The following STXBP2 variants were observed in gnomAD, a reference collection of about 807,000 sequenced individuals.
STXBP2 encodes the protein syntaxin-binding protein 2.
In STXBP2, 47 loss-of-function variants were observed where a neutral mutation model predicts 72.2. The ratio of observed to expected loss-of-function variants is 0.65; its 90% confidence interval spans 0.51 to 0.83. STXBP2 has a LOEUF of 0.83. Among genes scored for constraint, STXBP2 ranks in the 40% least tolerant of loss-of-function variants. The pLI is 0.00. For synonymous variants in STXBP2, 367 were observed against 338.7 expected (o/e 1.08, Z -0.92); for missense variants, 702 against 807.6 (o/e 0.87, Z 1.58).
In STXBP2 at chr19:7,639,939, CAT is replaced by C. The variant is rs756628397; in HGVS notation, c.246+133_246+134del. On this transcript the variant is annotated intron_variant, in intron 4 of 18. Coordinates refer to ENST00000221283, the MANE Select transcript of STXBP2 (RefSeq NM_006949.4). ...GCATGTGTCCATGTGTATGTGTGTG[CAT>C]GTGTGTGCATGTGTGTGTGCATCTG... 1.5e-4 allele frequency: 65 copies of C among 424,354 alleles called. No individual in the cohort carries two copies. The Admixed American group carries it at 1.7e-3, about 11-fold the overall frequency. The allele number at this position is 424,354 out of a possible 1,614,324, so 26.3% of individuals were successfully genotyped here. A position where few individuals can be genotyped will look rare whatever the true frequency, so the allele number is the denominator to read the frequency against.
intron 4 of STXBP2, chr19:7,640,141 TGC>T (rs1491339441): frequency 1.8e-6 from 1 of 540,850 alleles, no homozygotes; most frequent in Admixed American, 2.3e-5. Context: ...TATGTGTGTG[TGC>T]ATCTGTGTGC....
At chr19:7,645,117 T>G (rs2032079800) in intron 14 of STXBP2, 80 bp from the exon 15 acceptor site, 1 of 1,495,472 alleles carries the variant, frequency 6.7e-7, no homozygotes. Flanking sequence ...TCCTGGGAGC[T>G]CCTCAGCCCA....
chr19:7,637,957 A>G (rs1266761537), intron 1 of STXBP2, among the ~76,000 whole-genome samples: 1 of 152,218 alleles, frequency 6.6e-6, no homozygotes, highest in Non-Finnish European at 1.5e-5. Flanking sequence ...GGAAACTGAG[A>G]CCGGAGGTCA....
At chr19:7,645,896 T>C in intron 15 of STXBP2, 1 of 380,970 alleles carries the variant, frequency 2.6e-6, no homozygotes, top group Non-Finnish European at 4.6e-6. Flanking sequence ...CCCTCCCCTC[T>C]CCGTCCCCCT....
chr19:7,636,257 A>C (rs370874864), upstream of STXBP2: 60 of 152,246 alleles, frequency 3.9e-4, 2 homozygotes, highest in East Asian at 7.5e-3. Context: ...GTCTGTTTGC[A>C]CACATACCTC....
At chr19:7,647,030 C>G (rs184433233) in intron 16 of STXBP2, 132 bp from the exon 17 acceptor site, 2 of 904,800 alleles carry the variant, frequency 2.2e-6, no homozygotes, top group African/African-American at 1.6e-5. Context: ...TCCTGGGTCC[C>G]CCAGAGGCAG....
Position 7,647,438 on chromosome 19 carries a change from T to C in STXBP2, c.1623T>C (p.Gly541=). ...GPRLIVYVMG[G]VAMSEMRAAY... ...GGCTCATCGTGTATGTCATGGGCGG[T>C]GTGGCCATGTCAGAGATGAGGGCCG... The change falls in exon 18 of 19, where the codon GGT becomes GGC. Residue 541 remains glycine (G), a synonymous_variant. Coordinates refer to ENST00000221283, the MANE Select transcript of STXBP2 (RefSeq NM_006949.4). 6.2e-7 allele frequency: 1 copy of C among 1,613,284 alleles called. No homozygotes were observed. Among genetic ancestry groups the C allele is most frequent in the Non-Finnish European group, 8.5e-7 (1 of 1,179,856 alleles).
the STXBP2 span, chr19:7,631,306 C>T: frequency 1.4e-6 from 2 of 1,408,952 alleles, no homozygotes; most frequent in South Asian, 3.2e-5. Context: ...GAAGCGGATC[C>T]CACGCGGACC....
At chr19:7,634,620 T>C (rs1416075113), upstream of STXBP2, among the ~76,000 whole-genome samples, 2 of 152,248 alleles carry the variant, frequency 1.3e-5, no homozygotes, top group Non-Finnish European at 2.9e-5. Flanking sequence ...TCCTCCTGCC[T>C]GGGCCTCCCA....
rs769535445 is a variant in STXBP2, at chr19:7,643,261, C to T, written c.1107+16C>T. 2.3e-5 allele frequency: 35 copies of T among 1,536,416 alleles called. No individual in the cohort carries two copies. The highest frequency in any genetic ancestry group is 1.9e-4 in the South Asian group (17 of 89,216). ...TGTGGAGCAGGTGGGGCAGGGCTTG[C>T]GGGGGGCAGGGGTGATGGTCCTGCC... On this transcript the variant is annotated intron_variant, in intron 13 of 18. Coordinates refer to ENST00000221283, the MANE Select transcript of STXBP2 (RefSeq NM_006949.4).
upstream of STXBP2, among the ~76,000 whole-genome samples, chr19:7,634,446 T>TC (rs1390946467): frequency 6.6e-6 from 1 of 152,172 alleles, no homozygotes; most frequent in African/African-American, 2.4e-5. Context: ...CAATGAAGTG[T>TC]CCCCCTCCTC....
intron 3 of STXBP2, 180 bp downstream of exon 3, chr19:7,639,280 A>G (rs2031693496): frequency 1.4e-6 from 1 of 729,974 alleles, no homozygotes; most frequent in Non-Finnish European, 2.4e-6. Flanking sequence ...AAACCTTGCA[A>G]GCTGACTGCG....
At chr19:7,637,382 A>C (rs896322046) in intron 1 of STXBP2, among the ~76,000 whole-genome samples, 196 bp downstream of exon 1, 3 of 152,048 alleles carry the variant, frequency 2.0e-5, no homozygotes, top group Non-Finnish European at 4.4e-5. Context: ...CCAGAACAGA[A>C]CAAAATTGGG....
upstream of STXBP2, chr19:7,636,977 C>G: frequency 3.0e-6 from 2 of 666,120 alleles, no homozygotes; most frequent in Non-Finnish European, 2.1e-6. Context: ...TGCCCGTCCT[C>G]CCCGCCAGGG....
chr19:7,633,051 C>T (rs566095796), upstream of STXBP2: 3 of 1,395,796 alleles, frequency 2.1e-6, no homozygotes, highest in East Asian at 2.5e-5. Context: ...GCCAGCAGTG[C>T]CACTTCACGT....
intron 1 of STXBP2, among the ~76,000 whole-genome samples, chr19:7,638,035 G>C (rs996916991): frequency 6.6e-6 from 1 of 152,230 alleles, no homozygotes; most frequent in Admixed American, 6.5e-5. Context: ...AGACCAGGTT[G>C]GGGGGACTGG....
rs1157660422 is a variant in STXBP2 at position 7,642,195 on chromosome 19, C to T, written c.664-8C>T. ...AGTGCCTCATTCCTGCCCTAAACCC[C>T]ACCCCAGGGCCCAGAGAAAACCCGC... On this transcript the variant is annotated splice_region_variant and splice_polypyrimidine_tract_variant and intron_variant, in intron 8 of 18. Transcript: ENST00000221283. This position sits in a 1 kb window ranked among gnomAD's most constrained non-coding sequence, Gnocchi z 6.0. The T allele has an allele frequency of 1.9e-6, 3 of 1,614,146 alleles. No homozygotes were observed. Among genetic ancestry groups the T allele is most frequent in the Non-Finnish European group, 2.5e-6 (3 of 1,180,006 alleles).
chr19:7,638,585 G>C lies in STXBP2; in HGVS notation c.38-141G>C. On this transcript the variant is annotated intron_variant, in intron 1 of 18. Coordinates refer to ENST00000221283, the MANE Select transcript of STXBP2 (RefSeq NM_006949.4). The stretch of plus-strand genomic sequence containing the variant: ...CCACTGCACTTTAGCCTAGGTGACA[G>C]AGTGAGATCCTCCTCTCTTAAAAAA... 7 of 847,294 alleles carry C rather than the reference G, an allele frequency of 8.3e-6. No homozygotes were observed. In the South Asian group the frequency reaches 1.1e-4, roughly 13 times the overall value. The allele number at this position is 847,294 out of a possible 1,614,324, so 52.5% of individuals were successfully genotyped here.
upstream of STXBP2, chr19:7,632,763 C>T (rs2031378378): frequency 1.9e-6 from 3 of 1,568,766 alleles, no homozygotes; most frequent in Non-Finnish European, 2.6e-6. The surrounding 1 kb of genome is among the most constrained non-coding windows in gnomAD (Gnocchi z 5.2). Context: ...ACAGCGCTGT[C>T]CCTCCATCCG....
Sources: gnomAD v4.1 joint callset for allele counts (sites outside exome capture counted in the v4.1 genomes callset) on GRCh38, gnomAD v4.1.1 for gene constraint, Gnocchi (gnomAD v3.1) non-coding constraint, MANE v1.5 for transcripts, NCBI Gene and HGNC (gene_info 2026-07-23, HGNC 2026-07-21) for gene names.